DNAH5: variants seen among roughly 807,000 people sequenced by gnomAD.
The protein encoded by DNAH5 is axonemal beta dynein heavy chain 5.
In DNAH5, 372 loss-of-function variants were observed where a neutral mutation model predicts 518.2. The observed-to-expected ratio is 0.72, with a 90% CI of 0.66 to 0.78. The LOEUF is 0.78. Ranked by LOEUF, DNAH5 falls within the 30% of genes least tolerant of loss-of-function variation. The pLI is 0.00. For synonymous variants in DNAH5, 2,039 were observed against 2,025.9 expected (o/e 1.01, Z -0.17); for missense variants, 5,523 against 5,687.0 (o/e 0.97, Z 0.93).
At chr5:13,752,506 T>C (rs1046681249) in intron 63 of DNAH5, among the ~76,000 whole-genome samples, 2 of 152,240 alleles carry the variant, frequency 1.3e-5, no homozygotes, top group Non-Finnish European at 2.9e-5. Context: ...GATGGTTGAA[T>C]GTACACAAAC....
At chr5:13,989,557 C>A (rs996249918) in intron 1 of DNAH5, among the ~76,000 whole-genome samples, 3 of 149,236 alleles carry the variant, frequency 2.0e-5, no homozygotes, top group African/African-American at 7.4e-5. Flanking sequence ...GATCTCGGCT[C>A]ACTGCAAGCT....
chr5:13,962,449 T>C (rs1781248308), intron 1 of DNAH5, among the ~76,000 whole-genome samples: 1 of 152,124 alleles, frequency 6.6e-6, no homozygotes, highest in South Asian at 2.1e-4. Flanking sequence ...TTCTTTTGGA[T>C]TGCCAGGAAC....
chr5:13,889,811 C>T (rs953593526), intron 17 of DNAH5, among the ~76,000 whole-genome samples: 1 of 152,122 alleles, frequency 6.6e-6, no homozygotes, highest in Non-Finnish European at 1.5e-5. Context: ...CCCCAGACAC[C>T]ACCTGTCTTT....
intron 1 of DNAH5, among the ~76,000 whole-genome samples, chr5:13,936,238 A>G (rs559923357): frequency 6.6e-6 from 1 of 152,324 alleles, no homozygotes; most frequent in African/African-American, 2.4e-5. Flanking sequence ...CTACAAAATG[A>G]AAGTGTTGGA....
At chr5:13,929,276 T>C (rs1451247939) in intron 2 of DNAH5, among the ~76,000 whole-genome samples, 1 of 152,198 alleles carries the variant, frequency 6.6e-6, no homozygotes, top group African/African-American at 2.4e-5. Context: ...GAGGTACCTA[T>C]GGAATAGTCC....
intron 1 of DNAH5, among the ~76,000 whole-genome samples, chr5:13,998,169 A>G (rs1423197077): frequency 1.3e-5 from 2 of 152,170 alleles, no homozygotes; most frequent in African/African-American, 2.4e-5. Flanking sequence ...TAGAGGCTGT[A>G]AAGTCCAAGA....
At chr5:13,907,372 AGTGAGCC>A (rs1775439675) in intron 12 of DNAH5, among the ~76,000 whole-genome samples, 1 of 152,198 alleles carries the variant, frequency 6.6e-6, no homozygotes, top group African/African-American at 2.4e-5. Flanking sequence ...CAGAGGTTGC[AGTGAGCC>A]GAGATCGTGC....
rs966465326 is a variant in DNAH5 at position 13,914,415 on chromosome 5, T to C, written c.1320+105A>G. On this transcript the variant is annotated intron_variant, in intron 10 of 78. Coordinates refer to ENST00000265104, the MANE Select transcript of DNAH5 (RefSeq NM_001369.3). ...TTTCTTCATAGTTAAGAATCACTGT[T>C]CTTTTTATCAACCAATGATATAATA... 4 of 1,332,262 alleles carry C rather than the reference T, an allele frequency of 3.0e-6. No individual in the cohort carries two copies. The African/African-American group carries it at 5.9e-5, about 20-fold the overall frequency. The allele number at this position is 1,332,262 out of a possible 1,614,324, so 82.5% of individuals were successfully genotyped here. A position where few individuals can be genotyped will look rare whatever the true frequency, so the allele number is the denominator to read the frequency against.
chr5:13,771,211 T>C, intron 55 of DNAH5: 1 of 527,400 alleles, frequency 1.9e-6, no homozygotes, highest in Non-Finnish European at 3.4e-6. Flanking sequence ...TCAACACTCT[T>C]TGTTGCCTGG....
At chr5:13,901,656 T>C (rs1428852064) in intron 13 of DNAH5, 83 bp from the exon 14 acceptor site, 9 of 781,232 alleles carry the variant, frequency 1.2e-5, no homozygotes, top group Admixed American at 3.2e-5. Context: ...GTAATCTCAT[T>C]TATTAATATT....
chr5:13,901,668 AT>A (rs1188721493), intron 13 of DNAH5, 95 bp from the exon 14 acceptor site: 16 of 751,962 alleles, frequency 2.1e-5, no homozygotes, highest in Non-Finnish European at 3.0e-5. Context: ...ATTAATATTT[AT>A]TTTTTAAAAT....
At chr5:13,794,736 C>T (rs575269335) in intron 47 of DNAH5, among the ~76,000 whole-genome samples, 3 of 152,188 alleles carry the variant, frequency 2.0e-5, no homozygotes, top group Non-Finnish European at 1.5e-5. Flanking sequence ...GAGGCAGAGG[C>T]GGGCAGATCA....
At chr5:13,871,413 AT>A in intron 23 of DNAH5, 150 bp downstream of exon 23, 1 of 696,026 alleles carries the variant, frequency 1.4e-6, no homozygotes, top group Non-Finnish European at 2.4e-6. Flanking sequence ...GCAGAAGAAA[AT>A]TTTTTAAAAA....
chr5:13,703,186 A>G (rs10080065), intron 76 of DNAH5, among the ~76,000 whole-genome samples: 73,697 of 151,828 alleles, frequency 0.49, 18,430 homozygotes, highest in Non-Finnish European at 0.54. Context: ...TGCTTCCCTC[A>G]CAGCCTTCTC....
At chr5:13,846,281 C>T (rs958547038) in intron 31 of DNAH5, among the ~76,000 whole-genome samples, 1 of 152,142 alleles carries the variant, frequency 6.6e-6, no homozygotes, top group Non-Finnish European at 1.5e-5. Flanking sequence ...TCCTCACCCT[C>T]CTGCCACCTC....
At chr5:13,696,102 T>A (rs1741352590) in intron 78 of DNAH5, among the ~76,000 whole-genome samples, 1 of 152,124 alleles carries the variant, frequency 6.6e-6, no homozygotes, top group South Asian at 2.1e-4. Flanking sequence ...GGTCAGACGG[T>A]GTTCTTAGAT....
rs775024219 is a variant in DNAH5 at position 13,780,818 on chromosome 5, A to G, written c.8951+11T>C. ...ATCCATGTTAGGTTTGTTAAAGTAAAAGGTTGTCACCTCGTCAGAGTGATC... is the reference window on the plus strand; with the variant it reads ...ATCCATGTTAGGTTTGTTAAAGTAAGAGGTTGTCACCTCGTCAGAGTGATC... On this transcript the variant is annotated intron_variant, in intron 53 of 78. Coordinates refer to ENST00000265104, the MANE Select transcript of DNAH5 (RefSeq NM_001369.3). 6.8e-6 allele frequency: 11 copies of G among 1,613,186 alleles called. No homozygotes were observed. The highest frequency in any genetic ancestry group is 3.4e-6 in the Non-Finnish European group (4 of 1,179,492).
chr5:13,752,068 C>G, intron 64 of DNAH5, 66 bp downstream of exon 64: 1 of 1,540,460 alleles, frequency 6.5e-7, no homozygotes, highest in Non-Finnish European at 9.0e-7. Context: ...AGAATTCTAT[C>G]TGTGTCACAT....
intron 75 of DNAH5, 88 bp downstream of exon 75, chr5:13,714,317 A>G: frequency 7.4e-7 from 1 of 1,357,628 alleles, no homozygotes; most frequent in Admixed American, 1.7e-5. Flanking sequence ...CAGGAAAATC[A>G]TTTTTTGCCC....
Sources: allele counts gnomAD v4.1 joint callset (sites outside exome capture counted in the v4.1 genomes callset), GRCh38; gene constraint gnomAD v4.1.1; transcripts MANE v1.5; gene names NCBI Gene and HGNC (gene_info 2026-07-23, HGNC 2026-07-21).